The following SWT1 variants were observed in gnomAD, a reference collection of about 807,000 sequenced individuals.
The protein encoded by SWT1 is SWT1 RNA endoribonuclease homolog.
SWT1 carries 33 observed loss-of-function variants against 107.3 expected under a neutral mutation model. The ratio of observed to expected loss-of-function variants is 0.31; its 90% CI spans 0.23 to 0.41. The LOEUF is 0.41. SWT1 is among the 10% of genes least tolerant of loss of function. The probability of loss-of-function intolerance (pLI) is 1.00; values close to 1 mark genes in which losing one functional copy is unlikely to be tolerated. For synonymous variants in SWT1, 345 were observed against 348.3 expected (o/e 0.99, Z 0.11); for missense variants, 898 against 1,028.9 (o/e 0.87, Z 1.74).
intron 17 of SWT1, among the ~76,000 whole-genome samples, 183 bp downstream of exon 17, chr1:185,271,572 T>C (rs529717327): frequency 1.3e-5 from 2 of 152,320 alleles, no homozygotes; most frequent in East Asian, 1.9e-4. Flanking sequence ...TAAAAAATGG[T>C]ATATTTAAGG....
intron 2 of SWT1, among the ~76,000 whole-genome samples, chr1:185,163,392 G>A (rs2102299810): frequency 6.7e-6 from 1 of 148,712 alleles, no homozygotes; most frequent in South Asian, 2.1e-4. Flanking sequence ...ATCCATGAAA[G>A]CTTTTTTTTT....
intron 16 of SWT1, among the ~76,000 whole-genome samples, chr1:185,239,139 C>T (rs1242926663): frequency 6.6e-6 from 1 of 151,972 alleles, no homozygotes; most frequent in African/African-American, 2.4e-5. Flanking sequence ...TGAATGAAAA[C>T]ATATTTGATA....
intron 16 of SWT1, among the ~76,000 whole-genome samples, chr1:185,248,252 G>T (rs975881583): frequency 2.6e-5 from 4 of 151,936 alleles, no homozygotes; most frequent in Admixed American, 2.6e-4. Flanking sequence ...TAATCTTAGG[G>T]ACTAATATGC....
At chr1:185,217,455 T>A (rs1659309190) in intron 14 of SWT1, among the ~76,000 whole-genome samples, 1 of 152,198 alleles carries the variant, frequency 6.6e-6, no homozygotes, top group Non-Finnish European at 1.5e-5. Context: ...GGATCTGGGT[T>A]GCATGTTCCT....
At chr1:185,176,915 C>T (rs541980804) in intron 5 of SWT1, 56 of 535,556 alleles carry the variant, frequency 1.0e-4, no homozygotes, top group East Asian at 1.5e-4. Context: ...ACCTGGGAGG[C>T]GGCCCTTGCA....
At position 185,174,401 on chromosome 1, in the gene SWT1, G is replaced by A. The variant is rs777568124; in HGVS notation, c.254G>A (p.Arg85Lys). ...RLSVEIDTLR[R>K]RPKIGSSSQR... The stretch of plus-strand genomic sequence containing the variant: ...AGTGTAGAAATTGACACTCTCAGAA[G>A]GAGACCAAAAATCGGTTCTTCATCC... Residue 85 changes from arginine (R) to lysine (K), a missense_variant, in exon 5 of 19, where the codon AGG (arginine) becomes AAG (lysine). By Grantham distance (26) the Arg-to-Lys change is conservative (BLOSUM62 2). This residue lies in a region of SWT1 where 382 missense variants were observed against 362.4 expected (regional missense o/e 1.05). Transcript: ENST00000367500. The A allele has an allele frequency of 1.8e-5, 28 of 1,578,462 alleles. No individual in the cohort carries two copies. In the Admixed American group the frequency reaches 5.4e-4, roughly 31 times the overall value.
intron 15 of SWT1, among the ~76,000 whole-genome samples, chr1:185,223,319 C>T (rs1385478987): frequency 6.6e-6 from 1 of 152,000 alleles, no homozygotes; most frequent in African/African-American, 2.4e-5. Context: ...TGGGCTCAAA[C>T]GATCCTCTCA....
chr1:185,271,058 G>A (rs920312337), intron 16 of SWT1, among the ~76,000 whole-genome samples: 5 of 152,154 alleles, frequency 3.3e-5, no homozygotes, highest in African/African-American at 7.2e-5. Context: ...ATAACTTCAC[G>A]TGTAAGAATG....
At chr1:185,181,658 C>T (rs1656028387) in intron 6 of SWT1, among the ~76,000 whole-genome samples, 1 of 152,108 alleles carries the variant, frequency 6.6e-6, no homozygotes, top group Non-Finnish European at 1.5e-5. Flanking sequence ...CACAAAAATC[C>T]TAAAGGAAAT....
intron 13 of SWT1, among the ~76,000 whole-genome samples, chr1:185,207,703 GCC>G (rs1658448410): frequency 6.6e-6 from 1 of 152,012 alleles, no homozygotes; most frequent in Non-Finnish European, 1.5e-5. Flanking sequence ...GGAGTTCAAG[GCC>G]AGCCTGGGCA....
At chr1:185,248,678 T>A (rs1032098007) in intron 16 of SWT1, among the ~76,000 whole-genome samples, 3 of 151,668 alleles carry the variant, frequency 2.0e-5, no homozygotes, top group African/African-American at 7.3e-5. Context: ...CCTCTCTTCA[T>A]GCTGAGATAT....
intron 14 of SWT1, among the ~76,000 whole-genome samples, chr1:185,218,598 G>A (rs1205944014): frequency 1.3e-5 from 2 of 152,086 alleles, no homozygotes; most frequent in African/African-American, 2.4e-5. Flanking sequence ...CGCATGAACC[G>A]TCATGCCCTG....
chr1:185,176,602 C>T, intron 5 of SWT1: 1 of 983,970 alleles, frequency 1.0e-6, no homozygotes, highest in Non-Finnish European at 1.2e-6. Context: ...AACTGTGGAA[C>T]CTTGGAATTT....
chr1:185,234,144 A>G (rs1390950174), intron 16 of SWT1, among the ~76,000 whole-genome samples: 2 of 152,162 alleles, frequency 1.3e-5, no homozygotes. Flanking sequence ...CCTGGTCCAG[A>G]GCTGAGTTCA....
chr1:185,288,369 CA>C (rs1187295405), intron 18 of SWT1, among the ~76,000 whole-genome samples: 1 of 152,106 alleles, frequency 6.6e-6, no homozygotes, highest in African/African-American at 2.4e-5. Context: ...GTGAGCCACC[CA>C]AAAGTCAGGC....
intron 16 of SWT1, among the ~76,000 whole-genome samples, chr1:185,235,818 C>G (rs917321620): frequency 2.0e-5 from 3 of 152,232 alleles, no homozygotes; most frequent in South Asian, 4.2e-4. Flanking sequence ...CGTCTCAGCC[C>G]AAAATCTCCT....
chr1:185,257,625 C>T lies in SWT1; in HGVS notation c.2442-13698C>T, dbSNP rs527299114. Among the ~76,000 whole-genome samples the T allele has an allele frequency of 2.1e-3, 314 of 152,350 alleles. 2 individuals are homozygous for T. The highest frequency in any genetic ancestry group is 7.3e-3 in the African/African-American group (302 of 41,584). The stretch of plus-strand genomic sequence containing the variant: ...GCGCTTCCCAAGTGAGGCAATGCCT[C>T]GCCCTGCTTCGGCTCGCACATGGTG... On this transcript the variant is annotated intron_variant, in intron 16 of 18. Transcript: ENST00000367500.
intron 13 of SWT1, among the ~76,000 whole-genome samples, chr1:185,211,339 A>G (rs188743133): frequency 6.7e-4 from 102 of 152,334 alleles, no homozygotes; most frequent in African/African-American, 2.3e-3. Flanking sequence ...TGATACTAAA[A>G]CAGATATATA....
intron 10 of SWT1, among the ~76,000 whole-genome samples, chr1:185,194,482 T>C (rs1657221856): frequency 1.3e-5 from 2 of 152,162 alleles, no homozygotes; most frequent in Admixed American, 6.6e-5. Flanking sequence ...TCTTTACTTA[T>C]TAAAGTCTAC....
Sources: allele counts gnomAD v4.1 joint callset (sites outside exome capture counted in the v4.1 genomes callset), GRCh38; gene constraint gnomAD v4.1.1; regional missense constraint gnomAD v4.1.1; transcripts MANE v1.5; gene names NCBI Gene and HGNC (gene_info 2026-07-23, HGNC 2026-07-21).